Variants in NREP observed in about 807,000 individuals in gnomAD.
NREP encodes the protein neuronal regeneration-related protein.
A neutral mutation model predicts 8.6 loss-of-function variants in NREP; 5 were observed. That is an observed-to-expected ratio of 0.58 (90% confidence interval 0.30 to 1.22). NREP has a LOEUF of 1.22. NREP is among the 50% of genes most tolerant of loss of function. The pLI is 0.07. For synonymous variants in NREP, 27 were observed against 28.0 expected (o/e 0.96, Z 0.11); for missense variants, 86 against 82.5 (o/e 1.04, Z -0.17).
rs148446070 is a variant in NREP at position 111,924,634 on chromosome 5, A to G, written c.135+50640T>C. Among the ~76,000 whole-genome samples, 11 of 152,184 alleles carry G rather than the reference A, an allele frequency of 7.2e-5. No individual in the cohort carries two copies. In the East Asian group the frequency reaches 1.9e-3, roughly 27 times the overall value. ...CCCATTGGGTTTCTGCATCCCTAAT[A>G]TTGGGGTGTTGCAGGGGCTACTGCA... is the stretch of plus-strand genomic sequence containing the variant. On this transcript the variant is annotated intron_variant, in intron 2 of 3. Transcript: ENST00000395634.
rs560611255 is a variant in NREP at position 111,824,798 on chromosome 5, G to T, written c.136-89291C>A. Among the ~76,000 whole-genome samples the T allele has an allele frequency of 2.0e-5, 3 of 152,232 alleles. No individual in the cohort carries two copies. The South Asian group carries it at 6.2e-4, about 32-fold the overall frequency. Reference sequence around the variant, plus strand: ...TTATAATCTTTTCCAGGTGAATTTAGCACACAGTTGTTCCAGTTATGTAGC... The same window carrying T: ...TTATAATCTTTTCCAGGTGAATTTATCACACAGTTGTTCCAGTTATGTAGC... On this transcript the variant is annotated intron_variant, in intron 2 of 3. Transcript: ENST00000395634.
intron 2 of NREP, among the ~76,000 whole-genome samples, chr5:111,873,960 G>C (rs777465378): frequency 6.6e-6 from 1 of 152,054 alleles, no homozygotes; most frequent in Non-Finnish European, 1.5e-5. Context: ...CAGAGTCTCA[G>C]GTGGAGACAG....
At chr5:111,819,719 A>G (rs1752473704) in intron 2 of NREP, among the ~76,000 whole-genome samples, 1 of 152,194 alleles carries the variant, frequency 6.6e-6, no homozygotes, top group Non-Finnish European at 1.5e-5. Flanking sequence ...CTTATTTAAT[A>G]TACATTGTTG....
chr5:111,732,917 G>GACTT (rs1232855559), intron 3 of NREP: 2 of 152,156 alleles, frequency 1.3e-5, no homozygotes, highest in African/African-American at 4.8e-5. Flanking sequence ...CTCCAGTTCA[G>GACTT]ACTTACTCTG....
upstream of NREP, among the ~76,000 whole-genome samples, chr5:111,758,586 C>T (rs922724119): frequency 6.6e-6 from 1 of 152,004 alleles, no homozygotes; most frequent in Non-Finnish European, 1.5e-5. Context: ...AATTGCCTTT[C>T]CAAGAAAAAA....
At chr5:111,950,749 G>A (rs541267970) in intron 2 of NREP, among the ~76,000 whole-genome samples, 1 of 147,660 alleles carries the variant, frequency 6.8e-6, no homozygotes, top group African/African-American at 2.5e-5. Context: ...CAAAGGATAT[G>A]AACAGACACT....
At chr5:111,826,356 C>T (rs934314762) in intron 2 of NREP, among the ~76,000 whole-genome samples, 1 of 152,174 alleles carries the variant, frequency 6.6e-6, no homozygotes, top group African/African-American at 2.4e-5. Context: ...CTCAGGTCTC[C>T]TTCAGCACTG....
At chr5:111,894,422 G>A (rs1344886330) in intron 2 of NREP, among the ~76,000 whole-genome samples, 5 of 150,090 alleles carry the variant, frequency 3.3e-5, no homozygotes. Flanking sequence ...ATTCTAATCA[G>A]GTTTCCTGTC....
At chr5:111,793,227 T>C (rs186901222) in intron 2 of NREP, among the ~76,000 whole-genome samples, 1 of 152,146 alleles carries the variant, frequency 6.6e-6, no homozygotes, top group East Asian at 1.9e-4. Context: ...AGGATATATA[T>C]AGATATATAA....
intron 2 of NREP, among the ~76,000 whole-genome samples, chr5:111,857,963 TAAA>T (rs768713605): frequency 7.1e-6 from 1 of 141,074 alleles, no homozygotes. Flanking sequence ...CAAAGGAGAT[TAAA>T]AAAAAAAAAA....
intron 2 of NREP, among the ~76,000 whole-genome samples, chr5:111,869,665 T>A (rs2112494069): frequency 6.6e-6 from 1 of 152,282 alleles, no homozygotes; most frequent in East Asian, 1.9e-4. Context: ...ATCATGAGGA[T>A]TCTCCTGAGG....
chr5:111,733,354 A>G (rs1475929346), intron 3 of NREP: 1 of 152,032 alleles, frequency 6.6e-6, no homozygotes, highest in African/African-American at 2.4e-5. Context: ...CTACTGAAGC[A>G]CCCTGAGGGC....
intron 2 of NREP, among the ~76,000 whole-genome samples, chr5:111,919,681 A>G (rs1224594814): frequency 3.3e-5 from 5 of 152,076 alleles, no homozygotes; most frequent in Non-Finnish European, 7.4e-5. Context: ...ATGAGAACAC[A>G]TGGACACGGG....
At chr5:111,840,669 G>A (rs1238038560) in intron 2 of NREP, among the ~76,000 whole-genome samples, 5 of 151,938 alleles carry the variant, frequency 3.3e-5, no homozygotes, top group Non-Finnish European at 5.9e-5. Context: ...TCCACTTACT[G>A]GTCAACAATA....
chr5:111,755,020 T>A (rs1750611844), intron 2 of NREP, among the ~76,000 whole-genome samples: 1 of 152,164 alleles, frequency 6.6e-6, no homozygotes. Flanking sequence ...ATATTTCTAT[T>A]ATTTTTTTTA....
chr5:111,849,732 A>C (rs191966068), intron 2 of NREP, among the ~76,000 whole-genome samples: 1 of 151,000 alleles, frequency 6.6e-6, no homozygotes, highest in East Asian at 1.9e-4. Flanking sequence ...ATCTGGGCAC[A>C]TAGCTGCCCA....
intron 2 of NREP, among the ~76,000 whole-genome samples, chr5:111,961,492 A>T (rs1415413487): frequency 6.6e-6 from 1 of 152,204 alleles, no homozygotes; most frequent in African/African-American, 2.4e-5. Flanking sequence ...CTTCCTTTAA[A>T]TGGTAAAGAC....
upstream of NREP, chr5:111,758,109 G>A: frequency 1.0e-6 from 1 of 985,510 alleles, no homozygotes; most frequent in Non-Finnish European, 1.2e-6. Context: ...ACGGCCTCGG[G>A]TCGGACCCTG....
intron 2 of NREP, among the ~76,000 whole-genome samples, chr5:111,872,663 C>T (rs79432775): frequency 0.05 from 7,662 of 151,946 alleles, 475 homozygotes; most frequent in East Asian, 0.23. Context: ...GGTTAGAACA[C>T]CTTAAAGGAC....
Sources: allele counts gnomAD v4.1 joint callset (sites outside exome capture counted in the v4.1 genomes callset), GRCh38; gene constraint gnomAD v4.1.1; transcripts MANE v1.5; gene names NCBI Gene and HGNC (gene_info 2026-07-23, HGNC 2026-07-21).